Variants in GRIK1 observed in about 807,000 individuals in gnomAD.
The protein encoded by GRIK1 is glutamate receptor ionotropic, kainate 1.
In GRIK1, 69 loss-of-function variants were observed where a neutral mutation model predicts 105.7. The ratio of observed to expected loss-of-function variants is 0.65; its 90% confidence interval spans 0.54 to 0.80. GRIK1 has a LOEUF of 0.80. Ranked by LOEUF, GRIK1 falls within the 30% of genes least tolerant of loss-of-function variation. GRIK1 has a pLI of 0.00. For missense variants in GRIK1, 1,109 were observed against 1,167.3 expected, an observed-to-expected ratio of 0.95 and a Z score of 0.73; for synonymous variants, 438 against 431.3, an observed-to-expected ratio of 1.02 and a Z score of -0.19.
chr21:29,858,526 A>G (rs930487967), intron 1 of GRIK1, among the ~76,000 whole-genome samples: 1 of 152,126 alleles, frequency 6.6e-6, no homozygotes, highest in Admixed American at 6.5e-5. Flanking sequence ...ATTTCCTCTC[A>G]GTGCTAGAAA....
chr21:29,929,671 T>C (rs1380718723), intron 1 of GRIK1, among the ~76,000 whole-genome samples: 1 of 152,198 alleles, frequency 6.6e-6, no homozygotes, highest in Non-Finnish European at 1.5e-5. Flanking sequence ...AATTAACAAA[T>C]GCTGGCGAGG....
chr21:29,719,660 C>T (rs1335364095), intron 1 of GRIK1, among the ~76,000 whole-genome samples: 2 of 152,106 alleles, frequency 1.3e-5, no homozygotes, highest in Non-Finnish European at 2.9e-5. Flanking sequence ...GCTTTAAAAG[C>T]TCTGCAGCAT....
chr21:29,875,976 C>A (rs1466886582), intron 1 of GRIK1, among the ~76,000 whole-genome samples: 3 of 152,192 alleles, frequency 2.0e-5, no homozygotes, highest in Non-Finnish European at 4.4e-5. Context: ...CTACTTAATG[C>A]AAGCACGTGA....
intron 1 of GRIK1, among the ~76,000 whole-genome samples, chr21:29,703,702 G>A (rs978407658): frequency 6.6e-6 from 1 of 152,208 alleles, no homozygotes; most frequent in Non-Finnish European, 1.5e-5. Context: ...TGAATGGACA[G>A]AAGAGATTGG....
At chr21:29,600,380 G>A (rs1260279823) in intron 7 of GRIK1, among the ~76,000 whole-genome samples, 2 of 152,092 alleles carry the variant, frequency 1.3e-5, no homozygotes, top group African/African-American at 4.8e-5. Flanking sequence ...GGTATCTCTG[G>A]TGGTTTTATT....
chr21:29,591,065 G>T, intron 10 of GRIK1, 47 bp downstream of exon 10: 1 of 1,007,468 alleles, frequency 9.9e-7, no homozygotes, highest in Non-Finnish European at 1.6e-6. Flanking sequence ...CGAAGTCTAA[G>T]GCAGGAGCCT....
At chr21:29,654,035 C>T (rs368389955) in intron 5 of GRIK1, among the ~76,000 whole-genome samples, 1 of 152,196 alleles carries the variant, frequency 6.6e-6, no homozygotes, top group African/African-American at 2.4e-5. Context: ...TACTGACCCC[C>T]CCAGAATCCA....
At chr21:29,899,408 G>A (rs567273929) in intron 1 of GRIK1, among the ~76,000 whole-genome samples, 1 of 152,220 alleles carries the variant, frequency 6.6e-6, no homozygotes, top group African/African-American at 2.4e-5. Context: ...CTGGCCTAAT[G>A]GATGTTTTAA....
chr21:29,921,691 G>GT (rs2071199176), intron 1 of GRIK1, among the ~76,000 whole-genome samples: 1 of 152,066 alleles, frequency 6.6e-6, no homozygotes, highest in South Asian at 2.1e-4. Context: ...GGTTCCCTTT[G>GT]TTTTTAATTA....
chr21:29,538,774 G>T (rs2089922690), intron 16 of GRIK1, among the ~76,000 whole-genome samples: 2 of 152,000 alleles, frequency 1.3e-5, no homozygotes, highest in African/African-American at 4.8e-5. Flanking sequence ...TAAACATCTA[G>T]TGTGTTTCTT....
intron 7 of GRIK1, among the ~76,000 whole-genome samples, chr21:29,608,386 C>T (rs190139739): frequency 1.8e-4 from 28 of 151,932 alleles, no homozygotes; most frequent in Non-Finnish European, 3.1e-4. Flanking sequence ...TTATTTACCT[C>T]GGAGTATAAT....
intron 1 of GRIK1, among the ~76,000 whole-genome samples, chr21:29,923,263 A>G (rs2071248463): frequency 6.6e-6 from 1 of 152,218 alleles, no homozygotes; most frequent in African/African-American, 2.4e-5. Flanking sequence ...TCGAAATGTC[A>G]GTTGCAAGCT....
At position 29,560,280 on chromosome 21, in the gene GRIK1, TTTC is replaced by T. The variant is rs1408620007; in HGVS notation, c.2356+1341_2356+1343del. ...ATACCAGGACCTTATATGATACAGT[TTTC>T]TTTCTTTCTTTCTTTCTTTCTTTCT... On this transcript the variant is annotated intron_variant, in intron 15 of 17. Coordinates refer to ENST00000327783, the MANE Select transcript of GRIK1 (RefSeq NM_001330994.2). Among the ~76,000 whole-genome samples, 212 of 29,396 alleles carry T rather than the reference TTTC, an allele frequency of 7.2e-3. 2 individuals carry two copies. The highest frequency in any genetic ancestry group is 0.025 in the Middle Eastern group (1 of 40). 19.3% of individuals were successfully genotyped at this position (29,396 alleles called of 152,430 possible).
intron 1 of GRIK1, among the ~76,000 whole-genome samples, chr21:29,702,679 C>A (rs757900427): frequency 6.6e-6 from 1 of 152,144 alleles, no homozygotes; most frequent in Non-Finnish European, 1.5e-5. Flanking sequence ...CCACTGCACT[C>A]CAGCCTGGGT....
chr21:29,871,703 A>T (rs1158000468), intron 1 of GRIK1, among the ~76,000 whole-genome samples: 1 of 151,784 alleles, frequency 6.6e-6, no homozygotes, highest in Non-Finnish European at 1.5e-5. Flanking sequence ...TTTTCTCAAG[A>T]CCTGCACACT....
intron 3 of GRIK1, among the ~76,000 whole-genome samples, chr21:29,678,122 A>G (rs1009122721): frequency 2.0e-5 from 3 of 152,188 alleles, no homozygotes; most frequent in African/African-American, 7.2e-5. Context: ...GCAAATTTTA[A>G]ATGTTAATTT....
chr21:29,629,927 G>A (rs2062226057), intron 7 of GRIK1, among the ~76,000 whole-genome samples: 1 of 152,208 alleles, frequency 6.6e-6, no homozygotes, highest in African/African-American at 2.4e-5. Flanking sequence ...GTGGCCCTAG[G>A]AGCCTAGCTA....
At chr21:29,846,465 GAAAGAAAGAAAGAAAGAAAGAA>G (rs2068123957) in intron 1 of GRIK1, among the ~76,000 whole-genome samples, 2 of 40,068 alleles carry the variant, frequency 5.0e-5, no homozygotes, top group African/African-American at 9.3e-5. Flanking sequence ...AAGAGAGAGA[GAAAGAAAGAAAGAAAGAAAGAA>G]AGAAAGAAAG....
In GRIK1 at chr21:29,780,792, T is replaced by C. The variant is rs1205044242; in HGVS notation, c.119-86729A>G. Among the ~76,000 whole-genome samples, 4 of 152,238 alleles carry C rather than the reference T, an allele frequency of 2.6e-5. No homozygotes were observed. In the East Asian group the frequency reaches 7.7e-4, roughly 29 times the overall value. On this transcript the variant is annotated intron_variant, in intron 1 of 17. Coordinates refer to ENST00000327783, the MANE Select transcript of GRIK1 (RefSeq NM_001330994.2). ...ATAGTATATTTCAATATTTTGTAAC[T>C]AAATCACTATTGCTTCTGCCACACC...
Sources: allele counts gnomAD v4.1 joint callset (sites outside exome capture counted in the v4.1 genomes callset), GRCh38; gene constraint gnomAD v4.1.1; transcripts MANE v1.5; gene names NCBI Gene and HGNC (gene_info 2026-07-23, HGNC 2026-07-21).